Variants in PDLIM5 observed in about 807,000 individuals in gnomAD.
PDLIM5 encodes the protein PDZ and LIM domain protein 5.
In PDLIM5, 34 loss-of-function variants were observed where a neutral mutation model predicts 64.2. The observed-to-expected ratio is 0.53, with a 90% CI of 0.40 to 0.71. PDLIM5 has a LOEUF of 0.71. PDLIM5 is among the 30% of genes least tolerant of loss of function. The pLI is 0.00. For synonymous variants in PDLIM5, 253 were observed against 269.1 expected (o/e 0.94, Z 0.59); for missense variants, 683 against 733.6 (o/e 0.93, Z 0.80).
chr4:94,550,531 A>G (rs929907577), intron 3 of PDLIM5, among the ~76,000 whole-genome samples: 1 of 152,158 alleles, frequency 6.6e-6, no homozygotes, highest in African/African-American at 2.4e-5. Context: ...TCTCAGAATA[A>G]CTTTGGTGTA....
chr4:94,614,700 TAA>T lies in PDLIM5; in HGVS notation c.921-3302_921-3301del, dbSNP rs140312201. Among the ~76,000 whole-genome samples the T allele has an allele frequency of 6.1e-3, 931 of 152,286 alleles. 11 individuals are homozygous for T. The highest frequency in any genetic ancestry group is 0.021 in the African/African-American group (872 of 41,582). The stretch of plus-strand genomic sequence containing the variant: ...TAGTCTACTCCAAGCCCTTTGTAGC[TAA>T]AGAGTACTGTTTAAGATTTAAACAT... On this transcript the variant is annotated intron_variant, in intron 7 of 12. Transcript: ENST00000317968.
chr4:94,593,034 C>T (rs1458508455), intron 7 of PDLIM5, among the ~76,000 whole-genome samples: 1 of 152,118 alleles, frequency 6.6e-6, no homozygotes, highest in Non-Finnish European at 1.5e-5. Context: ...CAATTTTTAC[C>T]TCTCATTTGA....
intron 3 of PDLIM5, among the ~76,000 whole-genome samples, chr4:94,569,837 T>G (rs1185567802): frequency 1.3e-5 from 2 of 152,218 alleles, no homozygotes; most frequent in South Asian, 2.1e-4. Context: ...CAAAATGCTT[T>G]CTTTCTTAGT....
At chr4:94,455,711 A>G (rs936554330) in intron 2 of PDLIM5, 3 of 1,364,802 alleles carry the variant, frequency 2.2e-6, no homozygotes, top group Non-Finnish European at 2.0e-6. Flanking sequence ...ATAATTTTCA[A>G]AGGTTGTGCT....
chr4:94,657,732 G>A (rs1420609689), intron 11 of PDLIM5, among the ~76,000 whole-genome samples, 185 bp downstream of exon 11: 1 of 151,670 alleles, frequency 6.6e-6, no homozygotes, highest in Non-Finnish European at 1.5e-5. Context: ...TTGAGACGGA[G>A]TCTCACCCTT....
At chr4:94,538,755 A>G (rs1249854940) in intron 3 of PDLIM5, among the ~76,000 whole-genome samples, 1 of 152,042 alleles carries the variant, frequency 6.6e-6, no homozygotes, top group Non-Finnish European at 1.5e-5. Flanking sequence ...TATTTTCCTG[A>G]ATTTCTTTCT....
chr4:94,607,029 G>T (rs973761928), intron 7 of PDLIM5, among the ~76,000 whole-genome samples: 1 of 152,216 alleles, frequency 6.6e-6, no homozygotes, highest in African/African-American at 2.4e-5. Flanking sequence ...GCCGTGGTTT[G>T]CTGACCCATG....
At chr4:94,602,324 A>AT (rs1560733494) in intron 7 of PDLIM5, among the ~76,000 whole-genome samples, 3 of 152,280 alleles carry the variant, frequency 2.0e-5, no homozygotes, top group African/African-American at 7.2e-5. Context: ...TATTTTTAAG[A>AT]TTTTTTTAAG....
chr4:94,610,995 A>G, intron 7 of PDLIM5: 1 of 1,121,508 alleles, frequency 8.9e-7, no homozygotes, highest in Non-Finnish European at 1.3e-6. Context: ...GTTTCAAATC[A>G]CAGACCTTAA....
chr4:94,593,998 G>T (rs1289749281), intron 7 of PDLIM5, among the ~76,000 whole-genome samples: 2 of 151,914 alleles, frequency 1.3e-5, no homozygotes, highest in Non-Finnish European at 2.9e-5. Context: ...ATATATAATT[G>T]CATATTTTTC....
At chr4:94,507,007 C>A (rs144206655) in intron 2 of PDLIM5, among the ~76,000 whole-genome samples, 2 of 152,130 alleles carry the variant, frequency 1.3e-5, no homozygotes, top group Non-Finnish European at 2.9e-5. Flanking sequence ...GGTTCTTCGG[C>A]CTTTGGACTC....
intron 7 of PDLIM5, among the ~76,000 whole-genome samples, chr4:94,616,348 T>A (rs1738785559): frequency 6.6e-6 from 1 of 152,198 alleles, no homozygotes; most frequent in Admixed American, 6.5e-5. Flanking sequence ...TTTTAATATG[T>A]TAAGGTTATA....
intron 7 of PDLIM5, among the ~76,000 whole-genome samples, chr4:94,588,886 A>T (rs963905220): frequency 1.3e-5 from 2 of 152,212 alleles, no homozygotes; most frequent in African/African-American, 4.8e-5. Flanking sequence ...TGCCAAATGC[A>T]TTTTAAAAAT....
chr4:94,641,793 G>A (rs1277446122), intron 9 of PDLIM5, among the ~76,000 whole-genome samples: 2 of 152,204 alleles, frequency 1.3e-5, no homozygotes, highest in Non-Finnish European at 2.9e-5. Flanking sequence ...GTTATGGGGA[G>A]AAAGGGAAAA....
chr4:94,665,862 C>T lies in PDLIM5; in HGVS notation c.*1795C>T. 7.2e-7 allele frequency: 1 copy of T among 1,394,162 alleles called. No individual in the cohort carries two copies. Among genetic ancestry groups the T allele is most frequent in the Non-Finnish European group, 9.3e-7 (1 of 1,080,566 alleles). The allele number at this position is 1,394,162 out of a possible 1,614,324, so 86.4% of individuals were successfully genotyped here. A position where few individuals can be genotyped will look rare whatever the true frequency, so the allele number is the denominator to read the frequency against. Reference sequence around the variant, plus strand: ...TAGTGTTGGGAGGGGAGTTTAATTACTCAGATTGGCCTGTTATTTGATTTC... The same window carrying T: ...TAGTGTTGGGAGGGGAGTTTAATTATTCAGATTGGCCTGTTATTTGATTTC... On this transcript the variant is annotated 3_prime_UTR_variant, in exon 13 of 13. Coordinates refer to ENST00000317968, the MANE Select transcript of PDLIM5 (RefSeq NM_006457.5).
intron 3 of PDLIM5, among the ~76,000 whole-genome samples, chr4:94,533,576 A>G (rs1731074543): frequency 6.6e-6 from 1 of 152,220 alleles, no homozygotes; most frequent in Non-Finnish European, 1.5e-5. Context: ...TGGTTTCACC[A>G]TTTCCTGGCT....
intron 2 of PDLIM5, among the ~76,000 whole-genome samples, chr4:94,516,283 A>C (rs1729350550): frequency 6.6e-6 from 1 of 151,962 alleles, no homozygotes; most frequent in African/African-American, 2.4e-5. Flanking sequence ...ACTTTGAGGT[A>C]TTCTCCTCAT....
intron 7 of PDLIM5, among the ~76,000 whole-genome samples, chr4:94,615,644 T>C (rs573030228): frequency 6.6e-6 from 1 of 152,356 alleles, no homozygotes; most frequent in East Asian, 1.9e-4. Context: ...TATGTCATGC[T>C]GAAATATAAC....
chr4:94,460,136 CAT>C (rs1472525151), intron 2 of PDLIM5, among the ~76,000 whole-genome samples: 4 of 152,174 alleles, frequency 2.6e-5, no homozygotes, highest in Non-Finnish European at 5.9e-5. Flanking sequence ...GTATATTTCA[CAT>C]GTGTGTTCAC....
Sources: allele counts gnomAD v4.1 joint callset (sites outside exome capture counted in the v4.1 genomes callset), GRCh38; gene constraint gnomAD v4.1.1; transcripts MANE v1.5; gene names NCBI Gene and HGNC (gene_info 2026-07-23, HGNC 2026-07-21).